The following GRM8 variants were observed in gnomAD, a reference collection of about 807,000 sequenced individuals.
GRM8 encodes the protein glutamate metabotropic receptor 8.
In GRM8, 47 loss-of-function variants were observed where a neutral mutation model predicts 87.2. The observed-to-expected ratio is 0.54, with a 90% CI of 0.43 to 0.69. GRM8 has a LOEUF of 0.69. Among genes scored for constraint, GRM8 ranks in the 30% least tolerant of loss-of-function variants. GRM8 has a pLI of 0.00. For synonymous variants in GRM8, 396 were observed against 404.5 expected (o/e 0.98, Z 0.25); for missense variants, 1,019 against 1,139.2 (o/e 0.89, Z 1.52).
Position 126,517,615 on chromosome 7 carries a change from T to C in GRM8, c.2430+15337A>G, listed in dbSNP as rs529478463. Among the ~76,000 whole-genome samples the C allele has an allele frequency of 6.4e-4, 98 of 152,200 alleles. 1 individual carries two copies. The highest frequency in any genetic ancestry group is 1.2e-3 in the Non-Finnish European group (84 of 67,978). On this transcript the variant is annotated intron_variant, in intron 9 of 10. Transcript: ENST00000339582. Reference sequence around the variant, plus strand: ...GTGTAAAGTTTGTAACTATCACACATTGTGATCAGTTAAAATTGATTATAT... The same window carrying C: ...GTGTAAAGTTTGTAACTATCACACACTGTGATCAGTTAAAATTGATTATAT...
At chr7:126,817,249 C>A (rs914180455) in intron 6 of GRM8, among the ~76,000 whole-genome samples, 2 of 152,082 alleles carry the variant, frequency 1.3e-5, no homozygotes, top group African/African-American at 4.8e-5. Flanking sequence ...AATTTTGTCT[C>A]CATTAATACC....
intron 3 of GRM8, among the ~76,000 whole-genome samples, chr7:126,931,285 G>A (rs930157709): frequency 1.3e-5 from 2 of 152,158 alleles, no homozygotes; most frequent in African/African-American, 4.8e-5. Context: ...ATTCAATGAT[G>A]TGCTTTGAAT....
intron 7 of GRM8, among the ~76,000 whole-genome samples, chr7:126,747,058 T>C (rs1365086718): frequency 1.3e-5 from 2 of 151,878 alleles, no homozygotes; most frequent in Non-Finnish European, 2.9e-5. Context: ...GGGCAAAGCG[T>C]TAGTCAAATG....
Position 126,685,591 on chromosome 7 carries a change from A to G in GRM8, c.1358-76093T>C, listed in dbSNP as rs1808086996. ...TGATCTTGGAGTAAGGTTGGGGCCA[A>G]GCCTGAGCACTGTTGCAGTTTGGCC... On this transcript the variant is annotated intron_variant, in intron 7 of 10. Transcript: ENST00000339582. The surrounding 1 kb of genome is among the most constrained non-coding windows in gnomAD (Gnocchi z 4.2). Among the ~76,000 whole-genome samples the G allele has an allele frequency of 1.3e-5, 2 of 152,144 alleles. No homozygotes were observed. Among genetic ancestry groups the G allele is most frequent in the Admixed American group, 1.3e-4 (2 of 15,286 alleles).
At chr7:126,927,499 A>G (rs760797544) in intron 3 of GRM8, among the ~76,000 whole-genome samples, 7 of 152,188 alleles carry the variant, frequency 4.6e-5, no homozygotes, top group Non-Finnish European at 1.0e-4. Flanking sequence ...TGACTGGACA[A>G]ATGGTCTGTT....
intron 3 of GRM8, among the ~76,000 whole-genome samples, chr7:127,036,790 T>G (rs1054494585): frequency 6.6e-6 from 1 of 152,152 alleles, no homozygotes; most frequent in Non-Finnish European, 1.5e-5. Context: ...AAGGACAGAC[T>G]TTTCCCAGAG....
chr7:127,151,028 G>A (rs775407040), intron 2 of GRM8, among the ~76,000 whole-genome samples: 3 of 151,986 alleles, frequency 2.0e-5, no homozygotes, highest in Admixed American at 6.6e-5. Context: ...ATACACATTG[G>A]GTTTTAGCAG....
chr7:126,805,269 A>G (rs1309216220), intron 6 of GRM8, among the ~76,000 whole-genome samples: 1 of 152,186 alleles, frequency 6.6e-6, no homozygotes, highest in Admixed American at 6.5e-5. Context: ...CCATCACATA[A>G]GATGCCCCAC....
intron 9 of GRM8, among the ~76,000 whole-genome samples, chr7:126,529,113 AAT>A (rs1814387399): frequency 6.6e-6 from 1 of 152,170 alleles, no homozygotes. Flanking sequence ...CCTATTTGAG[AAT>A]AAGTGATAAT....
intron 2 of GRM8, among the ~76,000 whole-genome samples, chr7:127,133,004 T>G (rs1433419866): frequency 6.6e-6 from 1 of 152,240 alleles, no homozygotes; most frequent in Non-Finnish European, 1.5e-5. Flanking sequence ...CAGTGGCACA[T>G]GCCTATAGTC....
chr7:126,487,500 C>T (rs1807513436), intron 9 of GRM8, among the ~76,000 whole-genome samples: 1 of 151,838 alleles, frequency 6.6e-6, no homozygotes, highest in South Asian at 2.1e-4. Flanking sequence ...TATTACTTGA[C>T]TGGGGTAGTT....
At chr7:127,036,444 A>T (rs1817851000) in intron 3 of GRM8, among the ~76,000 whole-genome samples, 1 of 152,162 alleles carries the variant, frequency 6.6e-6, no homozygotes, top group Non-Finnish European at 1.5e-5. Context: ...TGGCTACCCA[A>T]TCTGTATCCT....
chr7:127,132,445 G>A lies in GRM8; in HGVS notation c.511-25733C>T, dbSNP rs17869424. On this transcript the variant is annotated intron_variant, in intron 2 of 10. Coordinates refer to ENST00000339582, the MANE Select transcript of GRM8 (RefSeq NM_000845.3). The stretch of plus-strand genomic sequence containing the variant: ...CATTCATTTCTCAAATATTTACTGA[G>A]TATCTGTCACATGCCATTCTGCTCA... 1.1e-3 allele frequency among the ~76,000 whole-genome samples: 163 copies of A among 151,696 alleles called. 1 individual carries two copies. The highest frequency in any genetic ancestry group is 3.8e-3 in the African/African-American group (158 of 41,368).
intron 3 of GRM8, among the ~76,000 whole-genome samples, chr7:127,103,561 G>A (rs1825533721): frequency 6.6e-6 from 1 of 151,918 alleles, no homozygotes. Flanking sequence ...TCACTTTCAG[G>A]GATTTCTTTA....
rs1397854163 is a variant in GRM8 at position 126,788,937 on chromosome 7, C to T, written c.1157-18872G>A. Among the ~76,000 whole-genome samples the T allele has an allele frequency of 5.3e-5, 8 of 152,110 alleles. No individual in the cohort carries two copies. The East Asian group carries it at 1.5e-3, about 29-fold the overall frequency. ...TCAGAGTGTATTTGAAATCTTATAA[C>T]ATATGGCATTCTAACTTTGATATGA... On this transcript the variant is annotated intron_variant, in intron 6 of 10. Coordinates refer to ENST00000339582, the MANE Select transcript of GRM8 (RefSeq NM_000845.3).
chr7:126,723,810 C>T (rs935505169), intron 7 of GRM8, among the ~76,000 whole-genome samples: 2 of 152,106 alleles, frequency 1.3e-5, no homozygotes, highest in Admixed American at 6.6e-5. Context: ...TAAGTTCGGC[C>T]ACTCTGGGCA....
intron 9 of GRM8, chr7:126,512,271 C>G (rs1435426234): frequency 1.3e-5 from 2 of 152,156 alleles, no homozygotes; most frequent in South Asian, 4.1e-4. Context: ...CCCAGGCAAT[C>G]CCATTATTAA....
chr7:126,784,376 T>C (rs1217547472), intron 6 of GRM8, among the ~76,000 whole-genome samples: 1 of 152,340 alleles, frequency 6.6e-6, no homozygotes, highest in Non-Finnish European at 1.5e-5. Flanking sequence ...TATCAAAACA[T>C]ATTTTGTGAG....
intron 2 of GRM8, among the ~76,000 whole-genome samples, chr7:127,152,840 G>T (rs1398037820): frequency 6.6e-6 from 1 of 152,120 alleles, no homozygotes; most frequent in African/African-American, 2.4e-5. Flanking sequence ...ATGTTTCATA[G>T]GACTACAGTT....
Sources: gnomAD v4.1 joint callset for allele counts (sites outside exome capture counted in the v4.1 genomes callset) on GRCh38, gnomAD v4.1.1 for gene constraint, Gnocchi (gnomAD v3.1) non-coding constraint, MANE v1.5 for transcripts, NCBI Gene and HGNC (gene_info 2026-07-23, HGNC 2026-07-21) for gene names.